SKAP1: variants seen among roughly 807,000 people sequenced by gnomAD.
SKAP1 encodes the protein src kinase associated phosphoprotein 1, also known as src kinase-associated phosphoprotein 1.
SKAP1 carries 44 observed loss-of-function variants against 58.5 expected under a neutral mutation model. That is an observed-to-expected ratio of 0.75 (90% confidence interval 0.59 to 0.97). SKAP1 has a LOEUF of 0.97. Ranked by LOEUF, SKAP1 falls within the 50% of genes least tolerant of loss-of-function variation. The pLI is 0.00. For missense variants in SKAP1, 390 were observed against 435.2 expected (o/e 0.90, Z 0.92); for synonymous variants, 127 against 149.7 (o/e 0.85, Z 1.11).
chr17:48,148,144 G>A (rs964462110), intron 11 of SKAP1, among the ~76,000 whole-genome samples: 1 of 152,180 alleles, frequency 6.6e-6, no homozygotes, highest in Non-Finnish European at 1.5e-5. Context: ...TAATGATCAA[G>A]CTGAGGCCAC....
At chr17:48,443,629 C>T in the SKAP1 span, among the ~76,000 whole-genome samples, 1 of 152,134 alleles carries the variant, frequency 6.6e-6, no homozygotes, top group African/African-American at 2.4e-5. Context: ...GTGCGTGCCA[C>T]CACACCTGGC....
At chr17:48,179,033 T>A (rs2064332493) in intron 9 of SKAP1, among the ~76,000 whole-genome samples, 1 of 152,148 alleles carries the variant, frequency 6.6e-6, no homozygotes, top group Admixed American at 6.5e-5. Flanking sequence ...TTGGACGCTC[T>A]TCTTAGGAAG....
In SKAP1 at chr17:48,339,256, A is replaced by G. The variant is rs146650030; in HGVS notation, c.280+6649T>C. Among the ~76,000 whole-genome samples the G allele has an allele frequency of 3.2e-3, 490 of 152,350 alleles. 3 individuals carry two copies. The highest frequency in any genetic ancestry group is 3.3e-3 in the Non-Finnish European group (226 of 68,020). On this transcript the variant is annotated intron_variant, in intron 4 of 12. Transcript: ENST00000336915. ...CCTTCTAGCTAACAACAAAGATCAA[A>G]GCAGTTGTCTGAAGAATAAAAAGAA...
At chr17:48,360,306 C>T (rs1379049825) in intron 3 of SKAP1, among the ~76,000 whole-genome samples, 1 of 151,726 alleles carries the variant, frequency 6.6e-6, no homozygotes, top group Non-Finnish European at 1.5e-5. Flanking sequence ...AAACATTATA[C>T]CTTATAATCA....
chr17:48,263,533 G>A (rs1467648153), intron 4 of SKAP1, among the ~76,000 whole-genome samples: 2 of 152,156 alleles, frequency 1.3e-5, no homozygotes, highest in African/African-American at 2.4e-5. Context: ...GGGGCCTCTA[G>A]GTTTAGAATC....
intron 4 of SKAP1, among the ~76,000 whole-genome samples, chr17:48,339,614 T>C (rs1402360815): frequency 6.6e-6 from 1 of 152,150 alleles, no homozygotes; most frequent in East Asian, 1.9e-4. Flanking sequence ...CTACATAGGT[T>C]TCTAACACTC....
chr17:48,232,361 C>A (rs928129730), intron 4 of SKAP1, among the ~76,000 whole-genome samples: 1 of 152,156 alleles, frequency 6.6e-6, no homozygotes, highest in African/African-American at 2.4e-5. Context: ...TGCAAAGATA[C>A]CACCAGGTGG....
intron 4 of SKAP1, among the ~76,000 whole-genome samples, chr17:48,220,748 G>A (rs2064992376): frequency 6.7e-6 from 1 of 150,332 alleles, no homozygotes; most frequent in Non-Finnish European, 1.5e-5. Context: ...AGCTACTTGG[G>A]AGGCTGAGGC....
rs529528627 is a variant in SKAP1, at chr17:48,246,980, C to A, written c.281-57480G>T. Among the ~76,000 whole-genome samples, 3 of 152,264 alleles carry A rather than the reference C, an allele frequency of 2.0e-5. No individual in the cohort carries two copies. In the South Asian group the frequency reaches 6.2e-4, roughly 32 times the overall value. ...GTTAGAAAGAAGGAAATTAAACAAC[C>A]TTTCCCATCCCCCTGACTCATACCT... On this transcript the variant is annotated intron_variant, in intron 4 of 12. Coordinates refer to ENST00000336915, the MANE Select transcript of SKAP1 (RefSeq NM_003726.4).
At chr17:48,222,872 T>A (rs1004204307) in intron 4 of SKAP1, among the ~76,000 whole-genome samples, 3 of 150,384 alleles carry the variant, frequency 2.0e-5, no homozygotes, top group Non-Finnish European at 3.0e-5. Flanking sequence ...GAGACCAGCT[T>A]GGCCAACATG....
intron 1 of SKAP1, among the ~76,000 whole-genome samples, chr17:48,407,859 A>AC (rs1567903513): frequency 6.6e-6 from 1 of 151,974 alleles, no homozygotes; most frequent in Non-Finnish European, 1.5e-5. Context: ...GTCTCCAAAA[A>AC]AAAAAAAGGC....
chr17:48,136,258 G>A (rs1364544365), intron 12 of SKAP1, among the ~76,000 whole-genome samples: 1 of 151,400 alleles, frequency 6.6e-6, no homozygotes, highest in African/African-American at 2.4e-5. Context: ...TGCAACCTAT[G>A]CCTCCCGGGT....
At chr17:48,137,511 G>C (rs2063716037) in intron 11 of SKAP1, among the ~76,000 whole-genome samples, 174 bp from the exon 12 acceptor site, 1 of 152,194 alleles carries the variant, frequency 6.6e-6, no homozygotes, top group East Asian at 1.9e-4. Context: ...TAGAGGAAGA[G>C]AGCAAGCACT....
At chr17:48,396,190 A>T (rs1010141344) in intron 2 of SKAP1, among the ~76,000 whole-genome samples, 5 of 152,252 alleles carry the variant, frequency 3.3e-5, no homozygotes, top group Admixed American at 6.5e-5. Flanking sequence ...TTAAAAAATG[A>T]CATAATATTT....
At chr17:48,326,233 A>G (rs2044130913) in intron 4 of SKAP1, among the ~76,000 whole-genome samples, 2 of 152,230 alleles carry the variant, frequency 1.3e-5, no homozygotes, top group East Asian at 1.9e-4. Flanking sequence ...AACTGTCTCC[A>G]TAAATGGGGG....
intron 4 of SKAP1, among the ~76,000 whole-genome samples, chr17:48,238,816 T>C (rs1027960019): frequency 1.6e-4 from 25 of 152,222 alleles, no homozygotes; most frequent in African/African-American, 5.8e-4. Flanking sequence ...CTTGTCACAC[T>C]TTATTTTTAA....
At chr17:48,202,897 T>A (rs1043667342) in intron 4 of SKAP1, among the ~76,000 whole-genome samples, 7 of 152,240 alleles carry the variant, frequency 4.6e-5, no homozygotes, top group African/African-American at 1.7e-4. Context: ...TGTGGTTGGA[T>A]GCATCTGTTT....
intron 4 of SKAP1, among the ~76,000 whole-genome samples, chr17:48,226,825 G>C (rs1276220601): frequency 6.6e-6 from 1 of 152,116 alleles, no homozygotes; most frequent in East Asian, 1.9e-4. Context: ...TTATTCAAAA[G>C]GGATGTGCTA....
intron 4 of SKAP1, among the ~76,000 whole-genome samples, chr17:48,231,630 A>T (rs970642919): frequency 6.6e-6 from 1 of 152,122 alleles, no homozygotes; most frequent in African/African-American, 2.4e-5. Flanking sequence ...AGAAATAGGG[A>T]GTAGTGGGAG....
Sources: gnomAD v4.1 joint callset for allele counts (sites outside exome capture counted in the v4.1 genomes callset) on GRCh38, gnomAD v4.1.1 for gene constraint, MANE v1.5 for transcripts, NCBI Gene and HGNC (gene_info 2026-07-23, HGNC 2026-07-21) for gene names.